Variants in FRY observed in about 807,000 individuals in gnomAD.
The protein encoded by FRY is FRY microtubule binding protein.
FRY carries 128 observed loss-of-function variants against 348.4 expected under a neutral mutation model. The ratio of observed to expected loss-of-function variants is 0.37; its 90% CI spans 0.32 to 0.43. The LOEUF is 0.43. Among genes scored for constraint, FRY ranks in the 20% least tolerant of loss-of-function variants. The pLI is 1.00. For synonymous variants in FRY, 1,370 were observed against 1,374.7 expected (o/e 1.00, Z 0.08); for missense variants, 2,736 against 3,695.2 (o/e 0.74, Z 6.73).
Position 32,186,401 on chromosome 13 carries a change from A to G in FRY, c.3461A>G (p.Tyr1154Cys), listed in dbSNP as rs1252955365. The change falls in exon 27 of 61, where the codon TAT (tyrosine) becomes TGT (cysteine). Residue 1154 changes from tyrosine (Y) to cysteine (C), a missense_variant. By Grantham distance (194) the Tyr-to-Cys change is radical. This residue lies in a region of FRY where 33 missense variants were observed against 86.7 expected (regional missense o/e 0.38). Coordinates refer to ENST00000542859, the MANE Select transcript of FRY (RefSeq NM_023037.3). ...YSDRNHQITR[Y>C]QYCALKAMSA... ...GACAGAAATCATCAGATTACAAGAT[A>G]TCAGTATTGTGCATTAAAAGTAGGT... 1 of 1,606,796 alleles carries G rather than the reference A, an allele frequency of 6.2e-7. No individual in the cohort carries two copies. Among genetic ancestry groups the G allele is most frequent in the Non-Finnish European group, 8.5e-7 (1 of 1,173,278 alleles).
rs947277990 is a variant in FRY, at chr13:32,272,883, A to C, written c.8137-1959A>C. 2.7e-3 allele frequency among the ~76,000 whole-genome samples: 409 copies of C among 149,940 alleles called. 2 individuals are homozygous for C. The highest frequency in any genetic ancestry group is 9.5e-3 in the African/African-American group (389 of 40,778). ...CCCAAGTAGCTGGGATTACAGGTAC[A>C]CACCACCGTGCCCAGCTAATTTTTT... On this transcript the variant is annotated intron_variant, in intron 55 of 60. Transcript: ENST00000542859.
chr13:32,195,570 T>C (rs1883626838), intron 29 of FRY, among the ~76,000 whole-genome samples: 1 of 152,216 alleles, frequency 6.6e-6, no homozygotes, highest in South Asian at 2.1e-4. Flanking sequence ...GCTTGAGCTA[T>C]CCTAATCAAA....
chr13:32,231,001 GT>G (rs146686232), intron 40 of FRY, among the ~76,000 whole-genome samples, 177 bp from the exon 41 acceptor site: 37 of 151,784 alleles, frequency 2.4e-4, no homozygotes, highest in African/African-American at 7.0e-4. Flanking sequence ...TTTTTAATGG[GT>G]TTTTTTTCTT....
intron 55 of FRY, among the ~76,000 whole-genome samples, chr13:32,268,889 AT>A (rs1464310857): frequency 6.6e-6 from 1 of 152,114 alleles, no homozygotes; most frequent in Non-Finnish European, 1.5e-5. Context: ...TCTTAAGCAT[AT>A]TTTTAATAAC....
chr13:32,166,250 C>G (rs1180302713), intron 17 of FRY, among the ~76,000 whole-genome samples: 1 of 152,162 alleles, frequency 6.6e-6, no homozygotes, highest in Non-Finnish European at 1.5e-5. Context: ...TCTTTCTGTT[C>G]CCTCTTAATT....
chr13:32,106,275 C>A (rs578169997), intron 3 of FRY, among the ~76,000 whole-genome samples: 53 of 151,022 alleles, frequency 3.5e-4, no homozygotes, highest in African/African-American at 1.2e-3. Context: ...AGAAGTTTCC[C>A]AATATTATAT....
rs372879483 is a variant in FRY at position 32,294,457 on chromosome 13, C to T, written c.8670C>T (p.Asp2890=). The T allele has an allele frequency of 8.7e-5, 140 of 1,613,836 alleles. No individual in the cohort carries two copies. The African/African-American group carries it at 1.6e-3, about 18-fold the overall frequency. The change falls in exon 60 of 61, where the codon GAC becomes GAT. Residue 2890 remains aspartate (D), a synonymous_variant. Coordinates refer to ENST00000542859, the MANE Select transcript of FRY (RefSeq NM_023037.3). ...AVIAADPLYS[D]GAWSEPTFTS... Reference sequence around the variant, plus strand: ...TTGCAGCTGACCCTCTCTATTCAGACGGCGCGTGGTCCGAGCCCACCTTCA... The same window carrying T: ...TTGCAGCTGACCCTCTCTATTCAGATGGCGCGTGGTCCGAGCCCACCTTCA...
At chr13:32,043,302 T>G (rs886090007) in intron 1 of FRY, among the ~76,000 whole-genome samples, 4 of 152,198 alleles carry the variant, frequency 2.6e-5, no homozygotes, top group Non-Finnish European at 5.9e-5. Flanking sequence ...AGATGAGATT[T>G]GGGTGGGGAC....
chr13:32,130,728 A>G (rs562608562), intron 7 of FRY, among the ~76,000 whole-genome samples: 1 of 152,178 alleles, frequency 6.6e-6, no homozygotes, highest in African/African-American at 2.4e-5. Flanking sequence ...TTTTGCACTT[A>G]TCAGATAAAA....
chr13:32,041,825 GC>G (rs1322462934), intron 1 of FRY, among the ~76,000 whole-genome samples: 28 of 152,324 alleles, frequency 1.8e-4, no homozygotes, highest in Middle Eastern at 3.4e-3. Context: ...AACCGCCAGT[GC>G]TTATCATTAC....
intron 23 of FRY, 75 bp downstream of exon 23, chr13:32,179,874 T>C (rs1882594424): frequency 1.4e-6 from 2 of 1,430,898 alleles, no homozygotes. Context: ...AACTCAGATT[T>C]GAGTCTGTGT....
At chr13:32,127,413 TAG>T (rs1879081922) in intron 7 of FRY, among the ~76,000 whole-genome samples, 1 of 151,926 alleles carries the variant, frequency 6.6e-6, no homozygotes, top group Non-Finnish European at 1.5e-5. Flanking sequence ...TAAGAGAAAA[TAG>T]ATTTTAAATG....
chr13:32,198,235 C>T (rs1479515018), intron 29 of FRY, among the ~76,000 whole-genome samples: 2 of 152,154 alleles, frequency 1.3e-5, no homozygotes, highest in Admixed American at 6.6e-5. Context: ...TTGTCTGCCC[C>T]TTTCCTGCCT....
chr13:32,075,238 A>C (rs931752717), intron 1 of FRY, among the ~76,000 whole-genome samples: 1 of 152,292 alleles, frequency 6.6e-6, no homozygotes, highest in Admixed American at 6.5e-5. Context: ...TTGGAAATTT[A>C]TATTAGTCTT....
chr13:32,209,198 T>A (rs1593743821), intron 32 of FRY, 89 bp downstream of exon 32: 1 of 1,443,222 alleles, frequency 6.9e-7, no homozygotes, highest in East Asian at 2.3e-5. Flanking sequence ...AAAATGGGAT[T>A]CCTTTAAAAA....
chr13:32,269,386 A>G (rs1223413768), intron 55 of FRY, among the ~76,000 whole-genome samples: 1 of 152,176 alleles, frequency 6.6e-6, no homozygotes, highest in Non-Finnish European at 1.5e-5. Flanking sequence ...CCTGCTTAGT[A>G]ACCCTTAAGA....
In FRY at chr13:32,111,087, A is replaced by T. The variant is rs1167129873; in HGVS notation, c.325-6247A>T. Among the ~76,000 whole-genome samples the T allele has an allele frequency of 2.6e-5, 4 of 152,220 alleles. No homozygotes were observed. In the East Asian group the frequency reaches 7.7e-4, roughly 29 times the overall value. ...ATTTGCTCAGGAGACTTCAAGGGAA[A>T]TTATTGCAAAAAAGGCCATTGGTTG... On this transcript the variant is annotated intron_variant, in intron 3 of 60. Coordinates refer to ENST00000542859, the MANE Select transcript of FRY (RefSeq NM_023037.3).
chr13:32,054,296 C>T (rs928453795), intron 1 of FRY, among the ~76,000 whole-genome samples: 1 of 151,688 alleles, frequency 6.6e-6, no homozygotes, highest in African/African-American at 2.4e-5. Context: ...CTAAATGGCA[C>T]CACTTGCTTT....
Position 32,186,342 on chromosome 13 carries a change from C to T in FRY, c.3402C>T (p.Phe1134=). The T allele has an allele frequency of 6.2e-7, 1 of 1,609,460 alleles. No homozygotes were observed. Among genetic ancestry groups the T allele is most frequent in the African/African-American group, 1.3e-5 (1 of 74,952 alleles). ...TATTCAGCCAGTGGGCAGGACCCTT[C>T]AGCATTATGTTCACTCCTCTGGATC... ...FILFSQWAGP[F]SIMFTPLDRY... The change falls in exon 27 of 61, where the codon TTC becomes TTT. Residue 1134 remains phenylalanine, a synonymous_variant. Transcript: ENST00000542859.
Sources: gnomAD v4.1 joint callset for allele counts (sites outside exome capture counted in the v4.1 genomes callset) on GRCh38, gnomAD v4.1.1 for gene constraint, gnomAD v4.1.1 regional missense constraint, MANE v1.5 for transcripts, NCBI Gene and HGNC (gene_info 2026-07-23, HGNC 2026-07-21) for gene names.